The following SLC25A21 variants were observed in gnomAD, a reference collection of about 807,000 sequenced individuals.
SLC25A21 encodes the protein mitochondrial 2-oxodicarboxylate carrier.
SLC25A21 carries 47 observed loss-of-function variants against 43.8 expected under a neutral mutation model. The ratio of observed to expected loss-of-function variants is 1.07; its 90% confidence interval spans 0.85 to 1.37. The LOEUF is 1.37. Among genes scored for constraint, SLC25A21 ranks in the 40% most tolerant of loss-of-function variants. SLC25A21 has a pLI of 0.00. For missense variants in SLC25A21, 352 were observed against 350.2 expected (o/e 1.00, Z -0.04); for synonymous variants, 131 against 121.3 (o/e 1.08, Z -0.52).
chr14:36,850,311 G>A (rs780717415), intron 2 of SLC25A21, among the ~76,000 whole-genome samples: 2 of 152,286 alleles, frequency 1.3e-5, no homozygotes, highest in Middle Eastern at 3.4e-3. Flanking sequence ...ATAATAGTAT[G>A]TGATAAAACT....
At chr14:36,778,885 A>G (rs1886931593) in intron 3 of SLC25A21, among the ~76,000 whole-genome samples, 1 of 152,144 alleles carries the variant, frequency 6.6e-6, no homozygotes, top group South Asian at 2.1e-4. Context: ...GCCATACATT[A>G]TTAACTATAG....
At chr14:37,055,744 C>G (rs754290427) in intron 1 of SLC25A21, among the ~76,000 whole-genome samples, 3 of 152,126 alleles carry the variant, frequency 2.0e-5, no homozygotes, top group Non-Finnish European at 4.4e-5. Flanking sequence ...GACACAGATT[C>G]CTATTTTACT....
intron 1 of SLC25A21, among the ~76,000 whole-genome samples, chr14:37,019,436 C>T (rs1960936606): frequency 6.6e-6 from 1 of 151,744 alleles, no homozygotes; most frequent in African/African-American, 2.4e-5. Flanking sequence ...TATCACATAT[C>T]ACAAGTGAAA....
chr14:37,099,035 T>G (rs1962765506), intron 1 of SLC25A21, among the ~76,000 whole-genome samples: 1 of 152,034 alleles, frequency 6.6e-6, no homozygotes, highest in South Asian at 2.1e-4. Flanking sequence ...ACCCCCGACC[T>G]CAAGTGATCC....
intron 3 of SLC25A21, among the ~76,000 whole-genome samples, chr14:36,810,115 C>G (rs1888184586): frequency 6.6e-6 from 1 of 152,046 alleles, no homozygotes; most frequent in South Asian, 2.1e-4. Context: ...ATATTTCCAT[C>G]TCTAAGACTA....
At chr14:36,690,919 A>AT (rs1478903161) in intron 7 of SLC25A21, among the ~76,000 whole-genome samples, 2 of 152,186 alleles carry the variant, frequency 1.3e-5, no homozygotes, top group Non-Finnish European at 2.9e-5. Context: ...CTGGAGTATC[A>AT]TTTTGCCTTT....
chr14:36,865,035 T>C (rs910230997), intron 2 of SLC25A21, among the ~76,000 whole-genome samples: 12 of 152,076 alleles, frequency 7.9e-5, no homozygotes, highest in Admixed American at 5.9e-4. Context: ...TTCTTTCTTT[T>C]TTTTTTTTAA....
chr14:37,167,512 C>T (rs1964049637), intron 1 of SLC25A21, among the ~76,000 whole-genome samples: 1 of 151,124 alleles, frequency 6.6e-6, no homozygotes, highest in Admixed American at 6.6e-5. Context: ...TTATAGTTTA[C>T]AGTTTAAAAC....
Position 36,711,476 on chromosome 14 carries a change from A to G in SLC25A21, c.445T>C (p.Ser149Pro). 4.3e-6 allele frequency: 7 copies of G among 1,613,744 alleles called. No individual in the cohort carries two copies. The highest frequency in any genetic ancestry group is 5.9e-6 in the Non-Finnish European group (7 of 1,179,900). Reference protein sequence around the residue: ...ANRNTFAEQPSTVGYARQIIK... With the variant: ...ANRNTFAEQPPTVGYARQIIK... ...ATTTGTCTTGCATAACCCACAGTGG[A>G]TGGTTGCTGCAGAAGAGAGAAGCAA... Residue 149 changes from serine to proline, a missense_variant, in exon 7 of 10, where the codon TCC becomes CCC. Ser to Pro is a moderately conservative substitution (Grantham distance 74, BLOSUM62 -1). Transcript: ENST00000331299.
At chr14:37,063,388 T>C (rs1482551760) in intron 1 of SLC25A21, among the ~76,000 whole-genome samples, 2 of 151,966 alleles carry the variant, frequency 1.3e-5, no homozygotes, top group Non-Finnish European at 1.5e-5. Context: ...TAATCTCAGC[T>C]ATTCGGGAGG....
intron 3 of SLC25A21, among the ~76,000 whole-genome samples, chr14:36,738,466 C>A (rs527454209): frequency 1.3e-5 from 2 of 152,174 alleles, no homozygotes; most frequent in Non-Finnish European, 2.9e-5. Context: ...TGTTAACATG[C>A]GTCATCCCGC....
chr14:36,947,984 T>A (rs1892715335), intron 1 of SLC25A21, among the ~76,000 whole-genome samples: 1 of 152,178 alleles, frequency 6.6e-6, no homozygotes. Context: ...TCTTTTTCCT[T>A]GAAGAAGGGA....
intron 7 of SLC25A21, among the ~76,000 whole-genome samples, chr14:36,694,120 A>G (rs1184935228): frequency 6.7e-6 from 1 of 149,828 alleles, no homozygotes; most frequent in African/African-American, 2.5e-5. Flanking sequence ...TGTCCAAGTG[A>G]TCTCATTGTT....
At chr14:37,019,415 C>G (rs996002393) in intron 1 of SLC25A21, among the ~76,000 whole-genome samples, 2 of 151,802 alleles carry the variant, frequency 1.3e-5, no homozygotes, top group Admixed American at 1.3e-4. Context: ...ACATCCTATT[C>G]ATTTCCTTAA....
chr14:36,763,452 A>G (rs17105230), intron 3 of SLC25A21, among the ~76,000 whole-genome samples: 2,040 of 152,280 alleles, frequency 0.013, 46 homozygotes, highest in African/African-American at 0.046. Flanking sequence ...TTACACTATT[A>G]CAAAGGGGAT....
At chr14:37,054,624 T>C (rs1961781279) in intron 1 of SLC25A21, among the ~76,000 whole-genome samples, 1 of 151,892 alleles carries the variant, frequency 6.6e-6, no homozygotes, top group South Asian at 2.1e-4. Context: ...GAGGAGGTGA[T>C]GGAAAGTGAG....
chr14:36,743,766 T>C (rs1164312201), intron 3 of SLC25A21, among the ~76,000 whole-genome samples: 1 of 152,118 alleles, frequency 6.6e-6, no homozygotes, highest in Non-Finnish European at 1.5e-5. Flanking sequence ...TCAAATGATC[T>C]CTCACTGATA....
intron 1 of SLC25A21, among the ~76,000 whole-genome samples, chr14:36,984,979 T>C (rs960145564): frequency 6.6e-6 from 1 of 151,140 alleles, no homozygotes; most frequent in African/African-American, 2.4e-5. Flanking sequence ...ATATACACCA[T>C]GGAATACTAT....
At chr14:36,752,306 A>C (rs565831892) in intron 3 of SLC25A21, among the ~76,000 whole-genome samples, 1 of 152,330 alleles carries the variant, frequency 6.6e-6, no homozygotes, top group African/African-American at 2.4e-5. Flanking sequence ...TGGGAATGTA[A>C]AGTGGTGCAG....
Sources: gnomAD v4.1 joint callset for allele counts (sites outside exome capture counted in the v4.1 genomes callset) on GRCh38, gnomAD v4.1.1 for gene constraint, MANE v1.5 for transcripts, NCBI Gene and HGNC (gene_info 2026-07-23, HGNC 2026-07-21) for gene names.